The following CDH12 variants were observed in gnomAD, a reference collection of about 807,000 sequenced individuals.
CDH12 encodes cadherin-12.
In CDH12, 41 loss-of-function variants were observed where a neutral mutation model predicts 74.1. The observed-to-expected ratio is 0.55, with a 90% confidence interval of 0.43 to 0.72. The LOEUF (loss-of-function observed/expected upper bound fraction) is 0.72, where lower values mean the gene tolerates loss of function less well. Among genes scored for constraint, CDH12 ranks in the 30% least tolerant of loss-of-function variants. The pLI is 0.00. For missense variants in CDH12, 945 were observed against 977.2 expected (o/e 0.97, Z 0.44); for synonymous variants, 399 against 355.0 (o/e 1.12, Z -1.39).
chr5:22,671,453 G>A (rs10473605), intron 1 of CDH12, among the ~76,000 whole-genome samples: 102,118 of 151,858 alleles, frequency 0.67, 34,555 homozygotes, highest in Admixed American at 0.73. Flanking sequence ...CTTGGAATAG[G>A]GTATTCTTTC....
At chr5:21,789,995 G>T (rs1746402058) in intron 10 of CDH12, among the ~76,000 whole-genome samples, 1 of 151,880 alleles carries the variant, frequency 6.6e-6, no homozygotes, top group Admixed American at 6.6e-5. Context: ...CTACATCAAG[G>T]GAACATATTT....
chr5:21,875,389 T>A (rs1751875187), intron 6 of CDH12, among the ~76,000 whole-genome samples: 1 of 152,210 alleles, frequency 6.6e-6, no homozygotes, highest in Non-Finnish European at 1.5e-5. Context: ...TAACTGGCAC[T>A]TAGTGAGCCC....
At chr5:22,846,088 G>A (rs940105574) in intron 1 of CDH12, among the ~76,000 whole-genome samples, 5 of 152,186 alleles carry the variant, frequency 3.3e-5, no homozygotes, top group South Asian at 2.1e-4. Flanking sequence ...ACATGTGGGT[G>A]GAATGGAGAG....
chr5:22,734,039 C>T (rs1744563843), intron 1 of CDH12, among the ~76,000 whole-genome samples: 1 of 151,918 alleles, frequency 6.6e-6, no homozygotes, highest in Non-Finnish European at 1.5e-5. Context: ...GGTGTGGTAT[C>T]TTGCCCCCTA....
In CDH12 at chr5:22,410,280, C is replaced by T. The variant is rs1462853990; in HGVS notation, c.-427-4929G>A. 1.1e-4 allele frequency among the ~76,000 whole-genome samples: 16 copies of T among 152,142 alleles called. No homozygotes were observed. In the East Asian group the frequency reaches 2.9e-3, roughly 28 times the overall value. On this transcript the variant is annotated intron_variant, in intron 2 of 14. Coordinates refer to ENST00000382254, the MANE Select transcript of CDH12 (RefSeq NM_004061.5). ...AGAATCCGTTTTCCCCAGAGCCAAC[C>T]ATAAAACCTAAAAATATTACTCTAA...
chr5:21,808,185 G>C (rs1747541271), intron 9 of CDH12, among the ~76,000 whole-genome samples: 1 of 151,988 alleles, frequency 6.6e-6, no homozygotes, highest in Non-Finnish European at 1.5e-5. Context: ...GGCTCTGCTA[G>C]GAACCAGTAA....
At chr5:22,304,715 C>G (rs562517644) in intron 3 of CDH12, among the ~76,000 whole-genome samples, 2 of 152,224 alleles carry the variant, frequency 1.3e-5, no homozygotes, top group African/African-American at 4.8e-5. Flanking sequence ...AGGACATAAG[C>G]AACAGCTAAA....
At chr5:22,760,322 A>G (rs1263864046) in intron 1 of CDH12, among the ~76,000 whole-genome samples, 1 of 152,188 alleles carries the variant, frequency 6.6e-6, no homozygotes, top group Non-Finnish European at 1.5e-5. Flanking sequence ...TGTTTTGTGA[A>G]TTGTAATATT....
intron 2 of CDH12, among the ~76,000 whole-genome samples, chr5:22,454,144 G>T (rs111401447): frequency 6.6e-6 from 1 of 152,018 alleles, no homozygotes; most frequent in African/African-American, 2.4e-5. Context: ...CATGGGGAAG[G>T]GGGAGAAGAT....
intron 1 of CDH12, among the ~76,000 whole-genome samples, chr5:22,549,669 T>C (rs746441550): frequency 1.3e-5 from 2 of 152,162 alleles, no homozygotes; most frequent in South Asian, 2.1e-4. Flanking sequence ...ATTTCTAATA[T>C]AGAGAAATAT....
chr5:21,988,954 C>T (rs1419150623), intron 5 of CDH12, among the ~76,000 whole-genome samples: 2 of 152,040 alleles, frequency 1.3e-5, no homozygotes, highest in African/African-American at 4.8e-5. Context: ...TTAGGAGAAA[C>T]GTAAGAATCC....
At chr5:22,255,707 T>C (rs1753286405) in intron 3 of CDH12, among the ~76,000 whole-genome samples, 1 of 151,942 alleles carries the variant, frequency 6.6e-6, no homozygotes, top group East Asian at 1.9e-4. Context: ...GCTTTATATA[T>C]ATGAATATAT....
intron 6 of CDH12, among the ~76,000 whole-genome samples, chr5:21,897,139 G>T (rs183402059): frequency 2.0e-4 from 31 of 152,252 alleles, no homozygotes; most frequent in Middle Eastern, 3.4e-3. Context: ...GGGAAAAAAA[G>T]GTTATATAAA....
intron 1 of CDH12, among the ~76,000 whole-genome samples, chr5:22,852,802 A>C (rs1309248438): frequency 6.6e-6 from 1 of 152,236 alleles, no homozygotes; most frequent in Non-Finnish European, 1.5e-5. Context: ...ATTTGAGGTT[A>C]AAACATTTCT....
At chr5:22,117,852 CTTG>C (rs1458009416) in intron 4 of CDH12, among the ~76,000 whole-genome samples, 3 of 151,588 alleles carry the variant, frequency 2.0e-5, no homozygotes, top group Admixed American at 6.6e-5. Context: ...AAAACCTTCC[CTTG>C]TTGTTTCCTT....
chr5:22,229,747 A>G (rs1043106611), intron 3 of CDH12, among the ~76,000 whole-genome samples: 1 of 152,084 alleles, frequency 6.6e-6, no homozygotes, highest in Admixed American at 6.6e-5. Flanking sequence ...CTTGTAGGGT[A>G]TACCATGTTC....
chr5:22,058,642 T>C (rs529369329), intron 5 of CDH12, among the ~76,000 whole-genome samples: 2 of 135,716 alleles, frequency 1.5e-5, no homozygotes, highest in Middle Eastern at 7.2e-3. Flanking sequence ...ACCTTTTTAA[T>C]GTACAAAGAA....
At chr5:22,673,672 C>T (rs1473642819) in intron 1 of CDH12, among the ~76,000 whole-genome samples, 1 of 152,042 alleles carries the variant, frequency 6.6e-6, no homozygotes, top group Admixed American at 6.6e-5. Context: ...ATATGTGGTG[C>T]CTTCAAAAAT....
At chr5:22,489,151 G>T (rs1746745498) in intron 2 of CDH12, among the ~76,000 whole-genome samples, 1 of 141,880 alleles carries the variant, frequency 7.0e-6, no homozygotes, top group African/African-American at 2.6e-5. Flanking sequence ...TCCACCTCCT[G>T]GGTTCACGCC....
Sources: allele counts gnomAD v4.1 joint callset (sites outside exome capture counted in the v4.1 genomes callset), GRCh38; gene constraint gnomAD v4.1.1; transcripts MANE v1.5; gene names NCBI Gene and HGNC (gene_info 2026-07-23, HGNC 2026-07-21).